The following TUSC3 variants were observed in gnomAD, a reference collection of about 807,000 sequenced individuals.
TUSC3 encodes the protein tumor suppressor candidate 3, also known as dolichyl-diphosphooligosaccharide--protein glycosyltransferase subunit TUSC3.
A neutral mutation model predicts 44.8 loss-of-function variants in TUSC3; 45 were observed. The ratio of observed to expected loss-of-function variants is 1.00; its 90% CI spans 0.79 to 1.29. TUSC3 has a LOEUF of 1.29. TUSC3 is among the 50% of genes most tolerant of loss of function. The pLI, the probability that TUSC3 is intolerant of heterozygous loss-of-function variation, is 0.00. For synonymous variants in TUSC3, 212 were observed against 152.9 expected, an observed-to-expected ratio of 1.39 and a Z score of -2.85; for missense variants, 519 against 437.9, an observed-to-expected ratio of 1.19 and a Z score of -1.65.
intron 1 of TUSC3, among the ~76,000 whole-genome samples, chr8:15,420,839 C>T (rs1182244257): frequency 6.6e-6 from 1 of 152,096 alleles, no homozygotes; most frequent in East Asian, 1.9e-4. Context: ...CACTTGTTCT[C>T]AGTCTTTTAT....
chr8:15,426,223 G>A (rs73189454), intron 1 of TUSC3, among the ~76,000 whole-genome samples: 23 of 151,888 alleles, frequency 1.5e-4, no homozygotes, highest in African/African-American at 4.1e-4. Flanking sequence ...CCTTGTATTC[G>A]TTTGTTTTTG....
At chr8:15,772,630 AAGAG>A in the TUSC3 span, among the ~76,000 whole-genome samples, 1 of 152,332 alleles carries the variant, frequency 6.6e-6, no homozygotes, top group Admixed American at 6.5e-5. Flanking sequence ...CAAAACATAG[AAGAG>A]AAAGTAACAC....
intron 2 of TUSC3, among the ~76,000 whole-genome samples, chr8:15,626,772 C>T (rs778452546): frequency 6.6e-6 from 1 of 152,238 alleles, no homozygotes; most frequent in Non-Finnish European, 1.5e-5. Flanking sequence ...TGCCAGCCCC[C>T]TGCTGCCTCA....
At chr8:15,568,284 G>C (rs1802749267) in intron 1 of TUSC3, among the ~76,000 whole-genome samples, 1 of 152,138 alleles carries the variant, frequency 6.6e-6, no homozygotes, top group Admixed American at 6.6e-5. Flanking sequence ...TTAAGCACTA[G>C]CTCTGTGCCA....
chr8:15,650,642 T>C, intron 2 of TUSC3, 55 bp from the exon 3 acceptor site: 2 of 1,490,696 alleles, frequency 1.3e-6, no homozygotes, highest in Non-Finnish European at 1.9e-6. Context: ...TAATAACTGC[T>C]TTGTAGATGC....
Position 15,581,691 on chromosome 8 carries a change from G to C in TUSC3, c.138+41123G>C, listed in dbSNP as rs1047652004. Among the ~76,000 whole-genome samples the C allele has an allele frequency of 1.1e-3, 159 of 146,480 alleles. 3 individuals are homozygous for C. Among genetic ancestry groups the C allele is most frequent in the African/African-American group, 3.9e-3 (155 of 39,456 alleles). ...TCTGCCCGTTCTCAGATCTCCAGCT[G>C]CGTGCTGGGAGAACCACTGCTCTCT... On this transcript the variant is annotated intron_variant, in intron 1 of 10. Coordinates refer to ENST00000503731, the MANE Select transcript of TUSC3 (RefSeq NM_006765.4).
intron 1 of TUSC3, among the ~76,000 whole-genome samples, chr8:15,478,329 A>G (rs1194516071): frequency 1.3e-5 from 2 of 152,082 alleles, no homozygotes; most frequent in Non-Finnish European, 2.9e-5. Context: ...GGGTTTTTAC[A>G]TAAGTATACG....
downstream of TUSC3, among the ~76,000 whole-genome samples, chr8:15,768,088 G>A (rs996426376): frequency 3.9e-5 from 6 of 152,136 alleles, no homozygotes; most frequent in Non-Finnish European, 5.9e-5. Flanking sequence ...AAACAGCCCA[G>A]ATAAGTGTTG....
chr8:15,487,539 A>G (rs1800748986), intron 2 of TUSC3, among the ~76,000 whole-genome samples: 1 of 152,198 alleles, frequency 6.6e-6, no homozygotes, highest in Non-Finnish European at 1.5e-5. Flanking sequence ...TTATCCTGGT[A>G]GGCTTATGTC....
intron 1 of TUSC3, among the ~76,000 whole-genome samples, chr8:15,432,160 T>C (rs1799880665): frequency 6.6e-6 from 1 of 152,036 alleles, no homozygotes; most frequent in East Asian, 1.9e-4. Flanking sequence ...TCCTCAATCA[T>C]CTGGAAGAGT....
chr8:15,568,944 G>A (rs1802770694), intron 1 of TUSC3, among the ~76,000 whole-genome samples: 1 of 151,598 alleles, frequency 6.6e-6, no homozygotes, highest in Non-Finnish European at 1.5e-5. Context: ...CACATTGGTT[G>A]ACTACTTTCT....
chr8:15,587,784 A>C (rs1286835265), intron 1 of TUSC3, among the ~76,000 whole-genome samples: 1 of 151,720 alleles, frequency 6.6e-6, no homozygotes, highest in African/African-American at 2.4e-5. Flanking sequence ...GTATGAACTC[A>C]TTTTTTTCCA....
intron 6 of TUSC3, among the ~76,000 whole-genome samples, chr8:15,678,736 C>T (rs973676782): frequency 6.6e-6 from 1 of 152,114 alleles, no homozygotes; most frequent in Non-Finnish European, 1.5e-5. Flanking sequence ...ATTACTGAGG[C>T]CATCACACAG....
chr8:15,433,626 T>C (rs139465020), intron 1 of TUSC3, among the ~76,000 whole-genome samples: 2,286 of 152,096 alleles, frequency 0.015, 59 homozygotes, highest in Middle Eastern at 0.051. Context: ...GCTTAAGCGT[T>C]CCTCTGATCT....
At chr8:15,570,543 C>T (rs763875412) in intron 1 of TUSC3, among the ~76,000 whole-genome samples, 13 of 152,056 alleles carry the variant, frequency 8.5e-5, no homozygotes, top group South Asian at 2.1e-4. Flanking sequence ...TTTAATTAAG[C>T]GGATGCTACG....
At chr8:15,811,182 G>A in the TUSC3 span, among the ~76,000 whole-genome samples, 1 of 152,146 alleles carries the variant, frequency 6.6e-6, no homozygotes, top group Non-Finnish European at 1.5e-5. Context: ...ATTGATTAGG[G>A]TAAGCAAATG....
rs1354912985 is a variant in TUSC3, at chr8:15,448,121, T to TATATATATATATATATATA, written n.91+30816_91+30817insATATATATATATATATATA. Among the ~76,000 whole-genome samples the TATATATATATATATATATA allele has an allele frequency of 1.5e-3, 39 of 25,866 alleles. 1 individual carries two copies. Among genetic ancestry groups the TATATATATATATATATATA allele is most frequent in the African/African-American group, 2.8e-3 (37 of 13,354 alleles). 17.0% of individuals were successfully genotyped at this position (25,866 alleles called of 152,430 possible). On this transcript the variant is annotated intron_variant and non_coding_transcript_variant, in intron 1 of 5. Transcript: ENST00000503191. The stretch of plus-strand genomic sequence containing the variant: ...GTAGTGTATATACATATATATATAT[T>TATATATATATATATATATA]TATTTATTTATTTTTTAGATGGAGT...
At chr8:15,519,395 A>G (rs574793613) in intron 2 of TUSC3, among the ~76,000 whole-genome samples, 13 of 152,264 alleles carry the variant, frequency 8.5e-5, no homozygotes, top group African/African-American at 2.9e-4. Context: ...TTACTCATAA[A>G]TTACAGTCAC....
At chr8:15,472,438 G>A (rs551940562) in intron 1 of TUSC3, among the ~76,000 whole-genome samples, 1 of 152,192 alleles carries the variant, frequency 6.6e-6, no homozygotes, top group East Asian at 1.9e-4. Flanking sequence ...AAATCATTTT[G>A]CAGGTGACTT....
Sources: gnomAD v4.1 joint callset for allele counts (sites outside exome capture counted in the v4.1 genomes callset) on GRCh38, gnomAD v4.1.1 for gene constraint, MANE v1.5 for transcripts, NCBI Gene and HGNC (gene_info 2026-07-23, HGNC 2026-07-21) for gene names.